GMEB2: variants seen among roughly 807,000 people sequenced by gnomAD.
GMEB2 encodes the protein glucocorticoid modulatory element-binding protein 2.
GMEB2 carries 7 observed loss-of-function variants against 45.7 expected under a neutral mutation model. The ratio of observed to expected loss-of-function variants is 0.15; its 90% CI spans 0.09 to 0.29. The LOEUF is 0.29. Ranked by LOEUF, GMEB2 falls within the 10% of genes least tolerant of loss-of-function variation. The pLI is 1.00. For missense variants in GMEB2, 582 were observed against 739.2 expected, an observed-to-expected ratio of 0.79 and a Z score of 2.47; for synonymous variants, 322 against 323.6, an observed-to-expected ratio of 1.00 and a Z score of 0.05.
intron 6 of GMEB2, among the ~76,000 whole-genome samples, chr20:63,594,909 C>T (rs543371622): frequency 1.3e-5 from 2 of 152,252 alleles, no homozygotes; most frequent in African/African-American, 4.8e-5. Flanking sequence ...CCACCACACC[C>T]GGCTAACTTC....
intron 2 of GMEB2, among the ~76,000 whole-genome samples, chr20:63,609,407 C>T (rs1237585706): frequency 2.1e-5 from 3 of 141,124 alleles, no homozygotes; most frequent in Non-Finnish European, 4.7e-5. Context: ...AGAAACATGC[C>T]CCTCTGACCC....
At chr20:63,610,882 C>T (rs1326043323) in intron 2 of GMEB2, among the ~76,000 whole-genome samples, 1 of 152,184 alleles carries the variant, frequency 6.6e-6, no homozygotes, top group African/African-American at 2.4e-5. Flanking sequence ...GAGGCTGTGA[C>T]GAGGCCCTAC....
rs1049549814 is a variant in GMEB2 at position 63,613,518 on chromosome 20, T to C, written c.131+5749A>G. On this transcript the variant is annotated intron_variant, in intron 2 of 9. Coordinates refer to ENST00000370077, the MANE Select transcript of GMEB2 (RefSeq NM_012384.5). ...GATTTTATTACTACAACATTTTTGTTTTCTTTTTTTTTTTTTTTTGAGACT... is the reference window on the plus strand; with the variant it reads ...GATTTTATTACTACAACATTTTTGTCTTCTTTTTTTTTTTTTTTTGAGACT... 9.0e-5 allele frequency among the ~76,000 whole-genome samples: 11 copies of C among 122,238 alleles called. No individual in the cohort carries two copies. The Admixed American group carries it at 9.3e-4, about 10-fold the overall frequency. The allele number at this position is 122,238 out of a possible 152,430, so 80.2% of individuals were successfully genotyped here. A position where few individuals can be genotyped will look rare whatever the true frequency, so the allele number is the denominator to read the frequency against.
In GMEB2 at chr20:63,592,131, G is replaced by A. The variant is rs970723219; in HGVS notation, c.843C>T (p.Leu281=). 1 of 1,613,338 alleles carries A rather than the reference G, an allele frequency of 6.2e-7. No individual in the cohort carries two copies. Among genetic ancestry groups the A allele is most frequent in the African/African-American group, 1.3e-5 (1 of 74,948 alleles). The change falls in exon 9 of 10, where the codon CTC becomes CTT. Residue 281 remains leucine, a synonymous_variant. Transcript: ENST00000370077. The surrounding 1 kb of genome is among the most constrained non-coding windows in gnomAD (Gnocchi z 8.2). ...TGCCGAAGTTCTGCACGATGTTGTTGAGAAGTACAGCATCTTAAAGGGTAA... is the reference window on the plus strand; with the variant it reads ...TGCCGAAGTTCTGCACGATGTTGTTAAGAAGTACAGCATCTTAAAGGGTAA... ...PPLQLRDAVL[L]NNIVQNFGML... is the part of the protein sequence containing the mutation.
At position 63,605,849 on chromosome 20, in the gene GMEB2, G is replaced by C. The variant is rs577478341; in HGVS notation, c.132-1009C>G. ...ACACACCTGTAATCCCAGCTACTTGGGAGGCCAAGACAGGAGAATCGCCTG... is the reference window on the plus strand; with the variant it reads ...ACACACCTGTAATCCCAGCTACTTGCGAGGCCAAGACAGGAGAATCGCCTG... On this transcript the variant is annotated intron_variant, in intron 2 of 9. Transcript: ENST00000370077. Among the ~76,000 whole-genome samples the C allele has an allele frequency of 3.3e-5, 5 of 152,168 alleles. No homozygotes were observed. In the South Asian group the frequency reaches 1.0e-3, roughly 32 times the overall value.
intron 1 of GMEB2, among the ~76,000 whole-genome samples, chr20:63,624,476 C>T (rs1300755000): frequency 6.6e-6 from 1 of 151,858 alleles, no homozygotes; most frequent in Non-Finnish European, 1.5e-5. Flanking sequence ...ATTTAAAATA[C>T]TACTGATCTC....
chr20:63,626,069 T>C (rs551852816), intron 1 of GMEB2, among the ~76,000 whole-genome samples: 197 of 152,364 alleles, frequency 1.3e-3, no homozygotes, highest in African/African-American at 4.5e-3. Flanking sequence ...TAACATGCCA[T>C]GACTGACGAC....
Position 63,590,214 on chromosome 20 carries a change from C to T in GMEB2, c.1468G>A (p.Val490Met), listed in dbSNP as rs566776788. The change falls in exon 10 of 10, where the codon GTG becomes ATG. Residue 490 changes from valine to methionine, a missense_variant. Val to Met is a conservative substitution (Grantham distance 21, BLOSUM62 1). This residue lies in a region of GMEB2 where 462 missense variants were observed against 586.7 expected (regional missense o/e 0.79). Coordinates refer to ENST00000370077, the MANE Select transcript of GMEB2 (RefSeq NM_012384.5). ...CTGGAGCCAGGCGAGGCCTGGGCCA[C>T]GTTCTGCAGGGTGGGGCCCAGGCCA... Reference protein sequence around the residue: ...LPGLGPTLQNVAQASPGSSTI... With the variant: ...LPGLGPTLQNMAQASPGSSTI... 1.3e-5 allele frequency: 21 copies of T among 1,609,360 alleles called. No homozygotes were observed. The highest frequency in any genetic ancestry group is 1.1e-4 in the South Asian group (10 of 90,852).
chr20:63,612,977 T>G lies in GMEB2; in HGVS notation c.131+6290A>C, dbSNP rs145766198. ...CTTTCTTTCTTTTTCTTTTTTTTTT[T>G]CGGAGACGCAGTCTCACTCTGTTGC... On this transcript the variant is annotated intron_variant, in intron 2 of 9. Coordinates refer to ENST00000370077, the MANE Select transcript of GMEB2 (RefSeq NM_012384.5). Among the ~76,000 whole-genome samples, 1,273 of 152,170 alleles carry G rather than the reference T, an allele frequency of 8.4e-3. 20 individuals are homozygous for G. Among genetic ancestry groups the G allele is most frequent in the African/African-American group, 0.029 (1,197 of 41,548 alleles).
chr20:63,590,329 C>G lies in GMEB2; in HGVS notation c.1353G>C (p.Ala451=). Residue 451 remains alanine, a synonymous_variant, in exon 10 of 10, where the codon GCG becomes GCC. Transcript: ENST00000370077. ...YPSTVEIHPD[A]SSLTVLSTAA... ...CCGTGCTCAGGACCGTGAGGCTGGA[C>G]GCGTCCGGGTGGATCTCCACTGTGC... 1.9e-6 allele frequency: 3 copies of G among 1,612,266 alleles called. No individual in the cohort carries two copies. The highest frequency in any genetic ancestry group is 3.3e-5 in the Admixed American group (2 of 59,994).
intron 4 of GMEB2, among the ~76,000 whole-genome samples, chr20:63,598,854 A>C (rs2083219938): frequency 6.6e-6 from 1 of 152,082 alleles, no homozygotes; most frequent in African/African-American, 2.4e-5. Context: ...TCCGGCCATC[A>C]CTTCTACCCA....
At chr20:63,614,773 G>GTCTC (rs532008725) in intron 2 of GMEB2, among the ~76,000 whole-genome samples, 25 of 151,582 alleles carry the variant, frequency 1.6e-4, no homozygotes, top group African/African-American at 5.6e-4. Flanking sequence ...GGCGTAAGCG[G>GTCTC]TCTCTCTCTC....
chr20:63,620,755 G>GA (rs933745654), intron 1 of GMEB2, among the ~76,000 whole-genome samples: 7 of 148,754 alleles, frequency 4.7e-5, no homozygotes, highest in South Asian at 2.1e-4. Context: ...TTCTTGCTAT[G>GA]AAAAAAAAAA....
In GMEB2 at chr20:63,626,250, TGCGA is replaced by T. The variant is rs1227481364; in HGVS notation, c.-58+702_-58+705del. On this transcript the variant is annotated intron_variant, in intron 1 of 9. Transcript: ENST00000370077. The stretch of plus-strand genomic sequence containing the variant: ...GGGTGATCCCTGCGGGTCGCGTCCC[TGCGA>T]GTTGGGTGCCTGCCGGGTGGCCCCT... Among the ~76,000 whole-genome samples the T allele has an allele frequency of 7.2e-4, 108 of 150,544 alleles. 1 individual carries two copies. Among genetic ancestry groups the T allele is most frequent in the Non-Finnish European group, 1.5e-3 (99 of 67,450 alleles).
chr20:63,607,815 A>C (rs1361360675), intron 2 of GMEB2, among the ~76,000 whole-genome samples: 6 of 7,010 alleles, frequency 8.6e-4, no homozygotes, highest in Admixed American at 3.1e-3. Flanking sequence ...CCTCTGACCC[A>C]CACCTCCATT....
chr20:63,604,273 G>A (rs2089501447), intron 3 of GMEB2, among the ~76,000 whole-genome samples: 1 of 151,878 alleles, frequency 6.6e-6, no homozygotes, highest in African/African-American at 2.4e-5. Flanking sequence ...AGCTACTCAG[G>A]AGGCTGAGGT....
intron 4 of GMEB2, among the ~76,000 whole-genome samples, chr20:63,602,750 C>A (rs942064097): frequency 4.0e-5 from 6 of 150,232 alleles, no homozygotes; most frequent in Non-Finnish European, 7.4e-5. Flanking sequence ...GAGGGGCAGC[C>A]TCCTCCACAC....
intron 4 of GMEB2, among the ~76,000 whole-genome samples, chr20:63,601,419 C>T (rs959900922): frequency 1.3e-5 from 2 of 152,212 alleles, no homozygotes; most frequent in Non-Finnish European, 2.9e-5. Flanking sequence ...ACAAGTCCTA[C>T]TTCTCTCTTC....
intron 2 of GMEB2, among the ~76,000 whole-genome samples, chr20:63,618,714 G>C (rs1569059146): frequency 6.6e-6 from 1 of 152,132 alleles, no homozygotes; most frequent in Non-Finnish European, 1.5e-5. Flanking sequence ...GACTGCCCGG[G>C]GCTGACTCTG....
Sources: gnomAD v4.1 joint callset for allele counts (sites outside exome capture counted in the v4.1 genomes callset) on GRCh38, gnomAD v4.1.1 for gene constraint, gnomAD v4.1.1 regional missense constraint, Gnocchi (gnomAD v3.1) non-coding constraint, MANE v1.5 for transcripts, NCBI Gene and HGNC (gene_info 2026-07-23, HGNC 2026-07-21) for gene names.